The following CCDC102B variants were observed in gnomAD, a reference collection of about 807,000 sequenced individuals.
CCDC102B encodes coiled-coil domain containing 102B, also known as coiled-coil domain-containing protein 102B.
In CCDC102B, 75 loss-of-function variants were observed where a neutral mutation model predicts 57.4. The ratio of observed to expected loss-of-function variants is 1.31; its 90% confidence interval spans 1.08 to 1.58. The LOEUF (loss-of-function observed/expected upper bound fraction) is 1.58, where lower values mean the gene tolerates loss of function less well. CCDC102B is among the 40% of genes most tolerant of loss of function. CCDC102B has a pLI of 0.00. For missense variants in CCDC102B, 636 were observed against 582.6 expected (o/e 1.09, Z -0.94); for synonymous variants, 206 against 201.9 (o/e 1.02, Z -0.17).
chr18:68,918,983 G>C (rs2041174775), intron 6 of CCDC102B, among the ~76,000 whole-genome samples: 1 of 151,960 alleles, frequency 6.6e-6, no homozygotes, highest in Non-Finnish European at 1.5e-5. Flanking sequence ...GGAAAGAAGG[G>C]AATATACATT....
chr18:68,820,012 C>G (rs2036632836), intron 1 of CCDC102B, among the ~76,000 whole-genome samples: 1 of 152,010 alleles, frequency 6.6e-6, no homozygotes, highest in South Asian at 2.1e-4. Context: ...ATCATATGTA[C>G]AAAATGAGAG....
chr18:68,828,790 T>G (rs1225573341), intron 1 of CCDC102B, among the ~76,000 whole-genome samples: 1 of 151,770 alleles, frequency 6.6e-6, no homozygotes, highest in Admixed American at 6.6e-5. Context: ...TATATTTACA[T>G]TATGTGAATA....
At chr18:68,953,595 T>G (rs2049762860) in intron 6 of CCDC102B, among the ~76,000 whole-genome samples, 1 of 152,042 alleles carries the variant, frequency 6.6e-6, no homozygotes, top group Admixed American at 6.6e-5. Context: ...ATTTTGGAAA[T>G]TAACTCTTTC....
chr18:68,796,064 C>G (rs1467607364), upstream of CCDC102B, among the ~76,000 whole-genome samples: 1 of 152,142 alleles, frequency 6.6e-6, no homozygotes, highest in African/African-American at 2.4e-5. Context: ...GATTAAAAAA[C>G]CTTCATGGAC....
chr18:68,996,920 G>A (rs1050130206), intron 6 of CCDC102B, among the ~76,000 whole-genome samples: 4 of 152,146 alleles, frequency 2.6e-5, no homozygotes, highest in African/African-American at 9.7e-5. Context: ...ATCTTGAATG[G>A]TAATCTCTGT....
chr18:68,861,988 C>T (rs571766048), intron 4 of CCDC102B, among the ~76,000 whole-genome samples: 1 of 152,258 alleles, frequency 6.6e-6, no homozygotes, highest in South Asian at 2.1e-4. Context: ...TACAGAATAA[C>T]TTCTTTCTAC....
intron 2 of CCDC102B, among the ~76,000 whole-genome samples, chr18:68,731,693 CTA>C (rs1426144949): frequency 1.3e-5 from 2 of 149,208 alleles, no homozygotes; most frequent in African/African-American, 2.4e-5. Flanking sequence ...ACAATTTTGT[CTA>C]TGTGTGTATA....
At chr18:68,833,383 G>GTTT (rs11290357) in intron 1 of CCDC102B, among the ~76,000 whole-genome samples, 38 of 142,468 alleles carry the variant, frequency 2.7e-4, no homozygotes, top group African/African-American at 4.4e-4. Context: ...TGCTTTTCCT[G>GTTT]TTTTTTTTTT....
intron 5 of CCDC102B, among the ~76,000 whole-genome samples, chr18:68,885,153 G>A (rs2039837951): frequency 6.6e-6 from 1 of 151,882 alleles, no homozygotes; most frequent in Non-Finnish European, 1.5e-5. Context: ...TTGCTCTTAG[G>A]ACATGGATAC....
chr18:68,733,506 A>ATATATATATATATATT (rs1286743067), intron 2 of CCDC102B, among the ~76,000 whole-genome samples: 5 of 87,642 alleles, frequency 5.7e-5, no homozygotes, highest in East Asian at 2.6e-4. Flanking sequence ...ATATATATAT[A>ATATATATATATATATT]TTTTTTTAAC....
intron 6 of CCDC102B, among the ~76,000 whole-genome samples, chr18:68,907,530 A>G (rs1162056419): frequency 1.3e-5 from 2 of 152,124 alleles, no homozygotes; most frequent in Admixed American, 6.5e-5. Context: ...ATTTATTCCT[A>G]TGTATTTCGT....
chr18:68,889,789 C>T (rs367638012), intron 5 of CCDC102B, among the ~76,000 whole-genome samples: 55 of 152,274 alleles, frequency 3.6e-4, no homozygotes, highest in African/African-American at 1.3e-3. Flanking sequence ...GTTATAGCAA[C>T]CTGTATGGAC....
At chr18:68,721,101 C>T (rs1226760057) in intron 2 of CCDC102B, 1 of 152,190 alleles carries the variant, frequency 6.6e-6, no homozygotes, top group Non-Finnish European at 1.5e-5. Flanking sequence ...TGTGAGATTG[C>T]TCTTTCAGCC....
chr18:68,911,619 G>A (rs992135403), intron 6 of CCDC102B, among the ~76,000 whole-genome samples: 1 of 149,860 alleles, frequency 6.7e-6, no homozygotes, highest in Non-Finnish European at 1.5e-5. Flanking sequence ...GGGCGTGGTG[G>A]CGGGCGCCTG....
intron 4 of CCDC102B, among the ~76,000 whole-genome samples, chr18:68,862,513 C>A (rs369712908): frequency 1.3e-5 from 2 of 151,948 alleles, no homozygotes; most frequent in African/African-American, 4.8e-5. Context: ...TTCAGTAGTT[C>A]AACTCTTACA....
chr18:69,026,278 C>A (rs2051987750), intron 7 of CCDC102B, among the ~76,000 whole-genome samples: 1 of 151,924 alleles, frequency 6.6e-6, no homozygotes, highest in South Asian at 2.1e-4. Flanking sequence ...CCAGCCTGAC[C>A]AATACGGTGA....
At chr18:68,965,207 G>A (rs1252750805) in intron 6 of CCDC102B, among the ~76,000 whole-genome samples, 1 of 151,598 alleles carries the variant, frequency 6.6e-6, no homozygotes, top group Non-Finnish European at 1.5e-5. Context: ...GACCTTTTAG[G>A]CTAGTCCCAC....
At chr18:68,756,297 A>C (rs774428144) in intron 2 of CCDC102B, among the ~76,000 whole-genome samples, 1 of 152,148 alleles carries the variant, frequency 6.6e-6, no homozygotes, top group African/African-American at 2.4e-5. Context: ...AAAGAAATAT[A>C]ACAAAAACCC....
intron 2 of CCDC102B, among the ~76,000 whole-genome samples, chr18:68,742,494 A>G (rs990303610): frequency 6.6e-6 from 1 of 152,230 alleles, no homozygotes; most frequent in South Asian, 2.1e-4. Flanking sequence ...ACAACTGACT[A>G]TTAAATGTTA....
Sources: allele counts gnomAD v4.1 joint callset (sites outside exome capture counted in the v4.1 genomes callset), GRCh38; gene constraint gnomAD v4.1.1; transcripts MANE v1.5; gene names NCBI Gene and HGNC (gene_info 2026-07-23, HGNC 2026-07-21).